Variants in FBXO3 observed in about 807,000 individuals in gnomAD.
The protein encoded by FBXO3 is F-box only protein 3.
In FBXO3, 17 loss-of-function variants were observed where a neutral mutation model predicts 64.8. That is an observed-to-expected ratio of 0.26 (90% confidence interval 0.18 to 0.39). The LOEUF (loss-of-function observed/expected upper bound fraction) is 0.39, where lower values mean the gene tolerates loss of function less well. Ranked by LOEUF, FBXO3 falls within the 10% of genes least tolerant of loss-of-function variation. The pLI is 1.00. For missense variants in FBXO3, 420 were observed against 589.9 expected (o/e 0.71, Z 2.98); for synonymous variants, 182 against 201.6 (o/e 0.90, Z 0.82).
chr11:33,755,709 A>G (rs1855079221), intron 5 of FBXO3, 62 bp downstream of exon 5: 1 of 1,202,666 alleles, frequency 8.3e-7, no homozygotes. Context: ...TACCTAATGC[A>G]TGCATTTATA....
intron 3 of FBXO3, among the ~76,000 whole-genome samples, chr11:33,765,297 A>G (rs557315581): frequency 6.6e-6 from 1 of 152,324 alleles, no homozygotes; most frequent in African/African-American, 2.4e-5. Context: ...TCCAAAATAA[A>G]AAGTTCATTT....
At chr11:33,765,968 A>C (rs1485181605) in intron 3 of FBXO3, among the ~76,000 whole-genome samples, 2 of 152,166 alleles carry the variant, frequency 1.3e-5, no homozygotes, top group East Asian at 1.9e-4. Context: ...TTGTCTTATA[A>C]ATTACCCAGA....
rs545415398 is a variant in FBXO3, at chr11:33,754,609, T to C, written c.679-109A>G. The C allele has an allele frequency of 2.5e-4, 222 of 900,090 alleles. 2 individuals carry two copies. In the East Asian group the frequency reaches 5.1e-3, roughly 21 times the overall value. The allele number at this position is 900,090 out of a possible 1,614,324, so 55.8% of individuals were successfully genotyped here. A position where few individuals can be genotyped will look rare whatever the true frequency, so the allele number is the denominator to read the frequency against. On this transcript the variant is annotated intron_variant, in intron 5 of 10. Coordinates refer to ENST00000265651, the MANE Select transcript of FBXO3 (RefSeq NM_012175.4). ...CGAGGCAAAACAGATAAAAATAAAGTTGAGATAAGAAGATATATGGCTTGT... is the reference window on the plus strand; with the variant it reads ...CGAGGCAAAACAGATAAAAATAAAGCTGAGATAAGAAGATATATGGCTTGT...
chr11:33,755,462 G>C (rs1029047650), intron 5 of FBXO3, among the ~76,000 whole-genome samples: 1 of 151,534 alleles, frequency 6.6e-6, no homozygotes, highest in African/African-American at 2.4e-5. Flanking sequence ...CTAAATTTTT[G>C]GAAAGTCTGA....
At chr11:33,774,050 G>A in intron 1 of FBXO3, 1 of 285,204 alleles carries the variant, frequency 3.5e-6, no homozygotes, top group Non-Finnish European at 6.8e-6. Flanking sequence ...GACCCCAACC[G>A]GGCGGGCACC....
rs773307038 is a variant in FBXO3 at position 33,756,001 on chromosome 11, GT to G, written c.474-27del. The G allele has an allele frequency of 3.5e-5, 56 of 1,587,898 alleles. No homozygotes were observed. The Middle Eastern group carries it at 7.0e-4, about 20-fold the overall frequency. ...CTGAGGAGCATACAGACTCAAACAT[GT>G]AATACACGGCAGTGCCAAAGAGCTG... is the stretch of plus-strand genomic sequence containing the variant. On this transcript the variant is annotated intron_variant, in intron 4 of 10. Transcript: ENST00000265651.
intron 3 of FBXO3, among the ~76,000 whole-genome samples, chr11:33,764,552 T>G (rs1590582278): frequency 1.3e-5 from 2 of 152,158 alleles, no homozygotes; most frequent in African/African-American, 4.8e-5. Context: ...GCAGTTATCT[T>G]TCTAAAAAAA....
intron 3 of FBXO3, among the ~76,000 whole-genome samples, chr11:33,762,280 C>T (rs1855261904): frequency 6.6e-6 from 1 of 152,110 alleles, no homozygotes; most frequent in Non-Finnish European, 1.5e-5. Context: ...AAGATTTGAA[C>T]AAGATTAACA....
At chr11:33,770,906 T>C in intron 1 of FBXO3, 76 bp from the exon 2 acceptor site, 2 of 1,198,582 alleles carry the variant, frequency 1.7e-6, no homozygotes, top group Non-Finnish European at 2.4e-6. Flanking sequence ...AAAATATTCA[T>C]TGTTTTGTTT....
At chr11:33,763,962 C>A (rs1855305797) in intron 3 of FBXO3, among the ~76,000 whole-genome samples, 1 of 151,852 alleles carries the variant, frequency 6.6e-6, no homozygotes, top group African/African-American at 2.4e-5. Context: ...GAACTACTTT[C>A]AAAAATAAAC....
chr11:33,751,186 C>T (rs74821851), intron 7 of FBXO3, among the ~76,000 whole-genome samples: 3,675 of 152,148 alleles, frequency 0.024, 67 homozygotes, highest in Non-Finnish European at 0.039. Context: ...TAACAGTTAC[C>T]GACTTGCTAT....
At chr11:33,760,314 A>G (rs1299584108) in intron 3 of FBXO3, among the ~76,000 whole-genome samples, 1 of 152,176 alleles carries the variant, frequency 6.6e-6, no homozygotes, top group Non-Finnish European at 1.5e-5. Context: ...TTCAAAAGAG[A>G]AACAATAAGA....
chr11:33,749,337 T>G lies in FBXO3; in HGVS notation c.933-445A>C, dbSNP rs547163953. 2.1e-3 allele frequency among the ~76,000 whole-genome samples: 315 copies of G among 151,906 alleles called. 1 individual carries two copies. Among genetic ancestry groups the G allele is most frequent in the African/African-American group, 7.4e-3 (305 of 41,432 alleles). On this transcript the variant is annotated intron_variant, in intron 8 of 10. Transcript: ENST00000265651. Reference sequence around the variant, plus strand: ...AGTTTCTAGACAGTTTAAGACAAGATGTCACCAGTTACTGGGATTACACTT... The same window carrying G: ...AGTTTCTAGACAGTTTAAGACAAGAGGTCACCAGTTACTGGGATTACACTT...
chr11:33,747,097 T>G (rs1429758135), intron 10 of FBXO3, 33 bp downstream of exon 10: 1 of 1,607,508 alleles, frequency 6.2e-7, no homozygotes, highest in African/African-American at 1.3e-5. Flanking sequence ...TACAAAGTCA[T>G]GTAAATCAGC....
At chr11:33,758,278 G>C (rs1855157314) in intron 4 of FBXO3, among the ~76,000 whole-genome samples, 1 of 152,020 alleles carries the variant, frequency 6.6e-6, no homozygotes, top group Non-Finnish European at 1.5e-5. Flanking sequence ...CAAATATATT[G>C]ATAAAAATTG....
At chr11:33,772,413 T>G (rs1855531741) in intron 1 of FBXO3, 1 of 152,244 alleles carries the variant, frequency 6.6e-6, no homozygotes, top group Non-Finnish European at 1.5e-5. Flanking sequence ...TCTTACTTCC[T>G]CACCTTGGTT....
At position 33,742,009 on chromosome 11, in the gene FBXO3, A is replaced by AATCATCATC; in HGVS notation, c.1306_1314dup (p.Asp436_Asp438dup). The AATCATCATC allele has an allele frequency of 6.2e-7, 1 of 1,611,512 alleles. No homozygotes were observed. The highest frequency in any genetic ancestry group is 8.5e-7 in the Non-Finnish European group (1 of 1,177,882). On this transcript the variant is annotated inframe_insertion, in exon 11 of 11. Transcript: ENST00000265651. ...TCATCTGATTCATCCATATCTGCTG[A>AATCATCATC]ATCATCATCCTCGTCTTCCTCCTCT...
rs192468344 is a variant in FBXO3, at chr11:33,768,298, A to G, written c.358+553T>C. Among the ~76,000 whole-genome samples, 25 of 152,348 alleles carry G rather than the reference A, an allele frequency of 1.6e-4. No homozygotes were observed. In the East Asian group the frequency reaches 2.1e-3, roughly 13 times the overall value. On this transcript the variant is annotated intron_variant, in intron 3 of 10. Coordinates refer to ENST00000265651, the MANE Select transcript of FBXO3 (RefSeq NM_012175.4). ...TGGACAATAATGGTGTAATAGAAAG[A>G]GCATATTCTGGAGTTGAACAGACCT...
At chr11:33,750,703 G>T (rs1191760070) in intron 7 of FBXO3, 42 bp from the exon 8 acceptor site, 1 of 1,564,564 alleles carries the variant, frequency 6.4e-7, no homozygotes, top group South Asian at 1.1e-5. Context: ...TCAACTACAG[G>T]ATTTAAAAGA....
Sources: allele counts gnomAD v4.1 joint callset (sites outside exome capture counted in the v4.1 genomes callset), GRCh38; gene constraint gnomAD v4.1.1; transcripts MANE v1.5; gene names NCBI Gene and HGNC (gene_info 2026-07-23, HGNC 2026-07-21).